ATP8A1: variants seen among roughly 807,000 people sequenced by gnomAD.
The protein encoded by ATP8A1 is phospholipid-transporting ATPase IA.
Under a neutral mutation model 177.7 loss-of-function variants are expected in ATP8A1, and 90 were observed. The observed-to-expected ratio is 0.51, with a 90% CI of 0.43 to 0.60. The LOEUF (loss-of-function observed/expected upper bound fraction) is 0.60, where lower values mean the gene tolerates loss of function less well. Among genes scored for constraint, ATP8A1 ranks in the 20% least tolerant of loss-of-function variants. The probability of loss-of-function intolerance (pLI) is 0.00; values close to 1 mark genes in which losing one functional copy is unlikely to be tolerated. For missense variants in ATP8A1, 1,072 were observed against 1,392.8 expected, an observed-to-expected ratio of 0.77 and a Z score of 3.67; for synonymous variants, 493 against 485.9, an observed-to-expected ratio of 1.01 and a Z score of -0.19.
At position 42,414,609 on chromosome 4, in the gene ATP8A1, A is replaced by C; in HGVS notation, c.3397+18T>G. The C allele has an allele frequency of 6.3e-7, 1 of 1,599,836 alleles. No homozygotes were observed. The highest frequency in any genetic ancestry group is 8.6e-7 in the Non-Finnish European group (1 of 1,167,098). ...ATGGCAGAGAATTTATTTAAAAATA[A>C]GAAACTCAAATACTCACGGAGCAGA... On this transcript the variant is annotated intron_variant, in intron 36 of 36. Transcript: ENST00000381668.
intron 20 of ATP8A1, among the ~76,000 whole-genome samples, chr4:42,529,973 T>G (rs776207962): frequency 6.6e-6 from 1 of 152,194 alleles, no homozygotes; most frequent in African/African-American, 2.4e-5. Flanking sequence ...GGAAGAAGTA[T>G]GTGGATGGAC....
intron 19 of ATP8A1, among the ~76,000 whole-genome samples, chr4:42,546,073 G>A (rs1728887215): frequency 6.6e-6 from 1 of 152,110 alleles, no homozygotes; most frequent in Non-Finnish European, 1.5e-5. Context: ...TATGATGGAA[G>A]AAACATTTTC....
At chr4:42,536,224 TAA>T (rs1727814233) in intron 20 of ATP8A1, among the ~76,000 whole-genome samples, 1 of 151,864 alleles carries the variant, frequency 6.6e-6, no homozygotes, top group Non-Finnish European at 1.5e-5. Flanking sequence ...ACCAAGAAAA[TAA>T]GAGAGAAGAT....
intron 30 of ATP8A1, among the ~76,000 whole-genome samples, chr4:42,451,087 T>C (rs1717883503): frequency 6.6e-6 from 1 of 152,094 alleles, no homozygotes; most frequent in Admixed American, 6.6e-5. Context: ...TTGTTCTAAG[T>C]ATGCTAAATC....
chr4:42,464,249 C>A (rs1287429832), intron 27 of ATP8A1, among the ~76,000 whole-genome samples: 1 of 149,968 alleles, frequency 6.7e-6, no homozygotes, highest in African/African-American at 2.5e-5. Flanking sequence ...AAACATAATT[C>A]TCCATGGCTG....
chr4:42,508,999 T>C (rs529559077), intron 22 of ATP8A1, among the ~76,000 whole-genome samples: 74 of 152,366 alleles, frequency 4.9e-4, no homozygotes, highest in African/African-American at 1.7e-3. Flanking sequence ...TGTGTGTATA[T>C]GCATGCATGT....
rs144717289 is a variant in ATP8A1, at chr4:42,536,471, C to T, written c.1722+7446G>A. On this transcript the variant is annotated intron_variant, in intron 20 of 36. Transcript: ENST00000381668. The stretch of plus-strand genomic sequence containing the variant: ...GAAATGGTAATTAAAAAGTTACCAA[C>T]AAAAAAGGTCCAGGACCAGACTAAT... 1.8e-4 allele frequency among the ~76,000 whole-genome samples: 27 copies of T among 152,136 alleles called. No homozygotes were observed. The East Asian group carries it at 4.8e-3, about 27-fold the overall frequency.
At chr4:42,552,267 T>C (rs889643420) in intron 17 of ATP8A1, among the ~76,000 whole-genome samples, 2 of 152,242 alleles carry the variant, frequency 1.3e-5, no homozygotes, top group East Asian at 3.8e-4. Context: ...CTTATGAGAA[T>C]TACGTTATTC....
intron 20 of ATP8A1, among the ~76,000 whole-genome samples, chr4:42,535,923 T>G (rs941905477): frequency 6.6e-6 from 1 of 152,114 alleles, no homozygotes; most frequent in South Asian, 2.1e-4. Flanking sequence ...TGAATAATAG[T>G]GACACAAACT....
At chr4:42,569,237 A>G in intron 14 of ATP8A1, 32 bp from the exon 15 acceptor site, 2 of 1,572,470 alleles carry the variant, frequency 1.3e-6, no homozygotes, top group South Asian at 1.1e-5. Flanking sequence ...GCAGAAAGAG[A>G]GGAAAAATAA....
At chr4:42,627,702 T>C (rs1381837105) in intron 1 of ATP8A1, among the ~76,000 whole-genome samples, 1 of 152,182 alleles carries the variant, frequency 6.6e-6, no homozygotes, top group Non-Finnish European at 1.5e-5. Flanking sequence ...ACAGGATACA[T>C]TCAACTGGGT....
At chr4:42,506,696 C>CA (rs77335667) in intron 23 of ATP8A1, among the ~76,000 whole-genome samples, 22,023 of 152,162 alleles carry the variant, frequency 0.14, 1,822 homozygotes, top group East Asian at 0.26. Flanking sequence ...AAACTCTTTC[C>CA]AAAACATGGG....
intron 8 of ATP8A1, among the ~76,000 whole-genome samples, chr4:42,587,469 G>A (rs1220303529): frequency 2.0e-5 from 3 of 151,614 alleles, no homozygotes; most frequent in Non-Finnish European, 2.9e-5. Context: ...CACCATGTCC[G>A]ACTACTTGTT....
At chr4:42,541,898 CAG>C (rs1728428007) in intron 20 of ATP8A1, among the ~76,000 whole-genome samples, 1 of 152,104 alleles carries the variant, frequency 6.6e-6, no homozygotes, top group Non-Finnish European at 1.5e-5. Context: ...AGGCGGGGCA[CAG>C]GGGATTTGTA....
At chr4:42,500,372 A>G (rs1723737487) in intron 24 of ATP8A1, among the ~76,000 whole-genome samples, 1 of 108,970 alleles carries the variant, frequency 9.2e-6, no homozygotes, top group South Asian at 3.1e-4. Flanking sequence ...CTCAAAAACA[A>G]AACAAAACAA....
In ATP8A1 at chr4:42,427,700, C is replaced by T. The variant is rs140792430; in HGVS notation, c.3124-3995G>A. The stretch of plus-strand genomic sequence containing the variant: ...TGAAACTGTCCTGTGGTTGCTAGTC[C>T]TGAAAGCATCCCCTGAAAAGGGCCC... On this transcript the variant is annotated intron_variant, in intron 33 of 36. Coordinates refer to ENST00000381668, the MANE Select transcript of ATP8A1 (RefSeq NM_006095.2). Among the ~76,000 whole-genome samples the T allele has an allele frequency of 3.3e-3, 510 of 152,324 alleles. 3 individuals are homozygous for T. Among genetic ancestry groups the T allele is most frequent in the African/African-American group, 0.012 (488 of 41,574 alleles).
chr4:42,415,922 T>C (rs1396402000), intron 35 of ATP8A1, among the ~76,000 whole-genome samples: 1 of 152,234 alleles, frequency 6.6e-6, no homozygotes, highest in African/African-American at 2.4e-5. Flanking sequence ...TTTGTAGTAA[T>C]CTTCCACATA....
At chr4:42,495,846 T>G (rs1167908449) in intron 24 of ATP8A1, among the ~76,000 whole-genome samples, 1 of 152,156 alleles carries the variant, frequency 6.6e-6, no homozygotes, top group Non-Finnish European at 1.5e-5. Flanking sequence ...TTAATCAATA[T>G]ATATTGCTAA....
intron 24 of ATP8A1, among the ~76,000 whole-genome samples, chr4:42,491,460 C>A (rs1722732898): frequency 2.0e-5 from 3 of 152,066 alleles, no homozygotes. Flanking sequence ...AGCTTTATGG[C>A]AATCTTTTTC....
Sources: allele counts gnomAD v4.1 joint callset (sites outside exome capture counted in the v4.1 genomes callset), GRCh38; gene constraint gnomAD v4.1.1; transcripts MANE v1.5; gene names NCBI Gene and HGNC (gene_info 2026-07-23, HGNC 2026-07-21).